The following AP4S1 variants were observed in gnomAD, a reference collection of about 807,000 sequenced individuals.
The protein encoded by AP4S1 is adaptor related protein complex 4 subunit sigma 1.
In AP4S1, 23 loss-of-function variants were observed where a neutral mutation model predicts 19.8. The observed-to-expected ratio is 1.16, with a 90% CI of 0.84 to 1.65. The LOEUF (loss-of-function observed/expected upper bound fraction) is 1.65, where lower values mean the gene tolerates loss of function less well. AP4S1 is among the 40% of genes most tolerant of loss of function. The probability of loss-of-function intolerance (pLI) is 0.00; values close to 1 mark genes in which losing one functional copy is unlikely to be tolerated. For missense variants in AP4S1, 166 were observed against 172.8 expected, an observed-to-expected ratio of 0.96 and a Z score of 0.22; for synonymous variants, 46 against 54.1, an observed-to-expected ratio of 0.85 and a Z score of 0.66.
intron 1 of AP4S1, among the ~76,000 whole-genome samples, chr14:31,029,554 A>G (rs1283736667): frequency 6.6e-6 from 1 of 152,204 alleles, no homozygotes; most frequent in Non-Finnish European, 1.5e-5. Context: ...ACAGTGGCTC[A>G]TGCCTGTAAT....
Position 31,071,918 on chromosome 14 carries a change from T to C in AP4S1, c.226-987T>C, listed in dbSNP as rs1330293330. Among the ~76,000 whole-genome samples, 5 of 66,480 alleles carry C rather than the reference T, an allele frequency of 7.5e-5. 1 individual carries two copies. Among genetic ancestry groups the C allele is most frequent in the African/African-American group, 2.6e-4 (5 of 19,352 alleles). The allele number at this position is 66,480 out of a possible 152,430, so 43.6% of individuals were successfully genotyped here. A position where few individuals can be genotyped will look rare whatever the true frequency, so the allele number is the denominator to read the frequency against. On this transcript the variant is annotated intron_variant, in intron 3 of 5. Coordinates refer to ENST00000542754, the MANE Select transcript of AP4S1 (RefSeq NM_001128126.3). ...ATTTATTTATTTATTTATTTATTTA[T>C]TTGATTTTTTTTGGGGGGGTGGGGA... is the stretch of plus-strand genomic sequence containing the variant.
intron 5 of AP4S1, chr14:31,086,021 A>G (rs943690120): frequency 2.3e-4 from 39 of 173,188 alleles, no homozygotes; most frequent in African/African-American, 8.1e-4. Context: ...TGCAGGCAAC[A>G]GTGATCAGCA....
chr14:31,026,337 C>T, intron 1 of AP4S1: 1 of 747,234 alleles, frequency 1.3e-6, no homozygotes, highest in Non-Finnish European at 1.9e-6. Flanking sequence ...TGGGTCAGAG[C>T]AGGGAGCTGC....
chr14:31,062,691 G>A lies in AP4S1; in HGVS notation c.-71-3435G>A, dbSNP rs571064479. ...GTAATAGTTCACTAGGAATTGGCCA[G>A]GCGCGGTGGCTCATGCCTGTAATCC... On this transcript the variant is annotated intron_variant, in intron 1 of 5. Transcript: ENST00000542754. 3.3e-5 allele frequency among the ~76,000 whole-genome samples: 5 copies of A among 152,306 alleles called. No individual in the cohort carries two copies. The East Asian group carries it at 9.7e-4, about 29-fold the overall frequency.
chr14:31,026,397 A>C, intron 1 of AP4S1: 3 of 141,484 alleles, frequency 2.1e-5, no homozygotes, highest in East Asian at 2.4e-4. Flanking sequence ...TCACTCACTC[A>C]CTTTAGGGGA....
At chr14:31,074,510 G>A (rs1887247117) in intron 4 of AP4S1, among the ~76,000 whole-genome samples, 1 of 152,032 alleles carries the variant, frequency 6.6e-6, no homozygotes, top group Non-Finnish European at 1.5e-5. Flanking sequence ...GGTGAAACCT[G>A]TTTCTACTAA....
chr14:31,038,982 A>T (rs1350165634), intron 1 of AP4S1, among the ~76,000 whole-genome samples: 1 of 127,846 alleles, frequency 7.8e-6, no homozygotes, highest in Non-Finnish European at 1.7e-5. Flanking sequence ...TTGTTTTTTT[A>T]AATGTAGAGG....
At chr14:31,040,356 T>A (rs1885041268) in intron 1 of AP4S1, among the ~76,000 whole-genome samples, 1 of 152,108 alleles carries the variant, frequency 6.6e-6, no homozygotes, top group Non-Finnish European at 1.5e-5. Flanking sequence ...TTTCGCCATA[T>A]TGCTCAGGCT....
At chr14:31,089,163 C>CA (rs34280899) in intron 5 of AP4S1, among the ~76,000 whole-genome samples, 6,036 of 105,826 alleles carry the variant, frequency 0.057, 344 homozygotes, top group African/African-American at 0.16. Context: ...TTGTCTTAAC[C>CA]AAAAAAAAAA....
intron 1 of AP4S1, among the ~76,000 whole-genome samples, chr14:31,037,532 C>CATTATG (rs1884853213): frequency 6.6e-6 from 1 of 152,114 alleles, no homozygotes; most frequent in African/African-American, 2.4e-5. Flanking sequence ...TTCATCCGAC[C>CATTATG]ACTATTAAAG....
intron 5 of AP4S1, among the ~76,000 whole-genome samples, chr14:31,086,755 C>G (rs1055046351): frequency 5.9e-5 from 9 of 152,104 alleles, no homozygotes; most frequent in Non-Finnish European, 1.0e-4. Flanking sequence ...TAAACCAGCT[C>G]CACTTTCCTT....
chr14:31,032,781 G>A (rs1232480384), intron 1 of AP4S1, among the ~76,000 whole-genome samples: 1 of 151,918 alleles, frequency 6.6e-6, no homozygotes, highest in Non-Finnish European at 1.5e-5. Flanking sequence ...TGATCCGCCC[G>A]CCTCGGCCTC....
chr14:31,050,247 G>A (rs1194938273), intron 1 of AP4S1, among the ~76,000 whole-genome samples: 1 of 151,964 alleles, frequency 6.6e-6, no homozygotes, highest in East Asian at 1.9e-4. Context: ...TAGTAGAAAC[G>A]GTTTCACCAT....
At chr14:31,083,214 TTACGTCAAGA>T (rs1887745741) in intron 5 of AP4S1, among the ~76,000 whole-genome samples, 1 of 152,202 alleles carries the variant, frequency 6.6e-6, no homozygotes, top group Non-Finnish European at 1.5e-5. Context: ...AATTAAAATT[TTACGTCAAGA>T]TACACAATTT....
At chr14:31,063,492 C>G (rs1203846596) in intron 1 of AP4S1, among the ~76,000 whole-genome samples, 3 of 152,020 alleles carry the variant, frequency 2.0e-5, no homozygotes, top group African/African-American at 7.2e-5. Flanking sequence ...TATCTGTAGT[C>G]CCAGCTACTC....
intron 1 of AP4S1, among the ~76,000 whole-genome samples, chr14:31,055,265 A>G (rs1886044031): frequency 6.6e-6 from 1 of 152,158 alleles, no homozygotes. Flanking sequence ...AATGGTTATT[A>G]TATAGACTAC....
At chr14:31,058,051 G>A (rs1331893148) in intron 1 of AP4S1, among the ~76,000 whole-genome samples, 1 of 150,518 alleles carries the variant, frequency 6.6e-6, no homozygotes, top group Non-Finnish European at 1.5e-5. Flanking sequence ...CCAAGTAGCT[G>A]GGATTACAGA....
At chr14:31,064,481 C>T (rs1025559858) in intron 1 of AP4S1, among the ~76,000 whole-genome samples, 1 of 152,088 alleles carries the variant, frequency 6.6e-6, no homozygotes, top group Non-Finnish European at 1.5e-5. Flanking sequence ...ACCACCATGC[C>T]TAGTTAATTT....
At chr14:31,052,273 GA>G (rs1422035369) in intron 1 of AP4S1, among the ~76,000 whole-genome samples, 1 of 151,114 alleles carries the variant, frequency 6.6e-6, no homozygotes, top group Non-Finnish European at 1.5e-5. Context: ...CCCTCTCGGG[GA>G]AAAAAAAGAC....
Sources: allele counts gnomAD v4.1 joint callset (sites outside exome capture counted in the v4.1 genomes callset), GRCh38; gene constraint gnomAD v4.1.1; transcripts MANE v1.5; gene names NCBI Gene and HGNC (gene_info 2026-07-23, HGNC 2026-07-21).